DLC1: variants seen among roughly 807,000 people sequenced by gnomAD.
DLC1 encodes the protein rho GTPase-activating protein 7.
In DLC1, 54 loss-of-function variants were observed where a neutral mutation model predicts 140.3. That is an observed-to-expected ratio of 0.38 (90% CI 0.31 to 0.48). The LOEUF (loss-of-function observed/expected upper bound fraction) is 0.48, where lower values mean the gene tolerates loss of function less well. Among genes scored for constraint, DLC1 ranks in the 20% least tolerant of loss-of-function variants. DLC1 has a pLI of 0.96. For missense variants in DLC1, 2,536 were observed against 1,907.0 expected (o/e 1.33, Z -6.14); for synonymous variants, 986 against 728.1 (o/e 1.35, Z -5.70).
intron 5 of DLC1, among the ~76,000 whole-genome samples, chr8:13,271,180 G>A (rs756582573): frequency 9.9e-5 from 15 of 152,190 alleles, no homozygotes; most frequent in South Asian, 2.1e-4. Context: ...CTTCCCTAAC[G>A]GTTGTCTGTC....
At chr8:13,275,188 T>TA (rs1563217090) in intron 5 of DLC1, among the ~76,000 whole-genome samples, 6 of 152,328 alleles carry the variant, frequency 3.9e-5, no homozygotes, top group Admixed American at 1.3e-4. Context: ...CAGAACAAAT[T>TA]AGAGTTTATG....
At chr8:13,352,433 C>G (rs1041973389) in intron 4 of DLC1, among the ~76,000 whole-genome samples, 1 of 152,108 alleles carries the variant, frequency 6.6e-6, no homozygotes, top group Non-Finnish European at 1.5e-5. Flanking sequence ...CTCAGCTGGA[C>G]TGCAGTGGGG....
At chr8:13,492,634 CT>C (rs1195241991) in intron 2 of DLC1, among the ~76,000 whole-genome samples, 1 of 151,968 alleles carries the variant, frequency 6.6e-6, no homozygotes, top group Non-Finnish European at 1.5e-5. Flanking sequence ...TGACTAGATG[CT>C]TTGCAATGGA....
chr8:13,206,650 G>T (rs1190030312), intron 5 of DLC1, among the ~76,000 whole-genome samples: 1 of 152,026 alleles, frequency 6.6e-6, no homozygotes, highest in South Asian at 2.1e-4. Context: ...AGCTATTTTA[G>T]CAAAAAGTTA....
intron 2 of DLC1, among the ~76,000 whole-genome samples, chr8:13,480,812 G>A (rs907452617): frequency 6.6e-6 from 1 of 152,174 alleles, no homozygotes; most frequent in African/African-American, 2.4e-5. Context: ...GCTGAGGCAG[G>A]AGAATCGCTT....
chr8:13,204,120 C>G (rs1418854262), intron 5 of DLC1, among the ~76,000 whole-genome samples: 1 of 152,110 alleles, frequency 6.6e-6, no homozygotes, highest in Non-Finnish European at 1.5e-5. Context: ...GGAAAAAAGA[C>G]TGTTCTGTTA....
At chr8:13,356,286 T>C (rs1282135070) in intron 4 of DLC1, among the ~76,000 whole-genome samples, 1 of 152,062 alleles carries the variant, frequency 6.6e-6, no homozygotes, top group Non-Finnish European at 1.5e-5. Context: ...GACCTGGTCA[T>C]GAACTCAGAA....
intron 5 of DLC1, among the ~76,000 whole-genome samples, chr8:13,283,379 C>A (rs1252215663): frequency 6.6e-6 from 1 of 151,756 alleles, no homozygotes; most frequent in African/African-American, 2.4e-5. Flanking sequence ...TTGTGAAGTA[C>A]TGTAATCTCT....
intron 5 of DLC1, among the ~76,000 whole-genome samples, chr8:13,168,180 T>A (rs1007331389): frequency 1.3e-5 from 2 of 152,210 alleles, no homozygotes; most frequent in Non-Finnish European, 2.9e-5. Flanking sequence ...AACGTCTATC[T>A]CTAAGGCTTT....
At chr8:13,294,469 G>C (rs1165254225) in intron 5 of DLC1, among the ~76,000 whole-genome samples, 1 of 152,170 alleles carries the variant, frequency 6.6e-6, no homozygotes, top group Non-Finnish European at 1.5e-5. Context: ...GTGAGCAGGA[G>C]TTATCATAGA....
At chr8:13,167,135 G>A (rs1825161655) in intron 5 of DLC1, among the ~76,000 whole-genome samples, 1 of 152,090 alleles carries the variant, frequency 6.6e-6, no homozygotes, top group African/African-American at 2.4e-5. Flanking sequence ...CTTTTCTAGT[G>A]GAAACAACCT....
intron 5 of DLC1, among the ~76,000 whole-genome samples, chr8:13,175,663 C>T (rs1432335187): frequency 6.6e-6 from 1 of 152,156 alleles, no homozygotes; most frequent in Non-Finnish European, 1.5e-5. Context: ...AATTGACTGG[C>T]ATAATACAAT....
intron 5 of DLC1, among the ~76,000 whole-genome samples, chr8:13,227,443 A>T (rs984418080): frequency 2.0e-5 from 3 of 152,176 alleles, no homozygotes; most frequent in African/African-American, 7.2e-5. Context: ...GTATGGGCTG[A>T]AAGAGGTTTG....
intron 5 of DLC1, among the ~76,000 whole-genome samples, chr8:13,130,674 G>A (rs986929868): frequency 1.3e-5 from 2 of 152,208 alleles, no homozygotes; most frequent in African/African-American, 4.8e-5. Context: ...AATGAGTGGT[G>A]TTTCTCATGA....
intron 5 of DLC1, among the ~76,000 whole-genome samples, chr8:13,179,956 C>T (rs1240692854): frequency 2.0e-5 from 3 of 152,112 alleles, no homozygotes; most frequent in Admixed American, 1.3e-4. Flanking sequence ...AATAGGCATA[C>T]TTGGTATGCC....
intron 1 of DLC1, chr8:13,567,655 C>A: frequency 6.4e-7 from 1 of 1,551,804 alleles, no homozygotes; most frequent in African/African-American, 1.4e-5. Context: ...GAAGACTTTA[C>A]TGGAGTCATT....
chr8:13,524,551 T>G (rs1802860621), intron 1 of DLC1, among the ~76,000 whole-genome samples: 1 of 152,212 alleles, frequency 6.6e-6, no homozygotes, highest in African/African-American at 2.4e-5. Flanking sequence ...ATTTGGCACA[T>G]AGTCATCTGC....
At chr8:13,353,751 G>C (rs2117042511) in intron 4 of DLC1, among the ~76,000 whole-genome samples, 1 of 152,180 alleles carries the variant, frequency 6.6e-6, no homozygotes. Context: ...CAGCTATTTG[G>C]GAGGCTGAGG....
intron 2 of DLC1, among the ~76,000 whole-genome samples, chr8:13,461,224 C>A (rs1799642623): frequency 6.6e-6 from 1 of 152,176 alleles, no homozygotes; most frequent in Admixed American, 6.5e-5. Context: ...GCAATGACAG[C>A]AAAATATGTG....
Sources: gnomAD v4.1 joint callset for allele counts (sites outside exome capture counted in the v4.1 genomes callset) on GRCh38, gnomAD v4.1.1 for gene constraint, MANE v1.5 for transcripts, NCBI Gene and HGNC (gene_info 2026-07-23, HGNC 2026-07-21) for gene names.